The following SCOC variants were observed in gnomAD, a reference collection of about 807,000 sequenced individuals.
The protein encoded by SCOC is short coiled-coil protein.
Under a neutral mutation model 9.9 loss-of-function variants are expected in SCOC, and 7 were observed. The observed-to-expected ratio is 0.71, with a 90% CI of 0.40 to 1.33. SCOC has a LOEUF of 1.33. Among genes scored for constraint, SCOC ranks in the 40% most tolerant of loss-of-function variants. The probability of loss-of-function intolerance (pLI) is 0.01; values close to 1 mark genes in which losing one functional copy is unlikely to be tolerated. For missense variants in SCOC, 66 were observed against 89.7 expected (o/e 0.74, Z 1.07); for synonymous variants, 19 against 28.2 (o/e 0.67, Z 1.03).
chr4:140,334,980 G>A (rs887213069), intron 1 of SCOC, among the ~76,000 whole-genome samples: 4 of 152,106 alleles, frequency 2.6e-5, no homozygotes, highest in Non-Finnish European at 5.9e-5. Context: ...CTTGCAATAT[G>A]CAACAACACG....
intron 1 of SCOC, among the ~76,000 whole-genome samples, chr4:140,308,601 T>C (rs1016866021): frequency 6.6e-6 from 1 of 152,166 alleles, no homozygotes; most frequent in African/African-American, 2.4e-5. Flanking sequence ...TTCTTGGAGG[T>C]TGAGAGCCAC....
intron 1 of SCOC, among the ~76,000 whole-genome samples, chr4:140,275,229 G>A (rs1279652415): frequency 3.7e-4 from 56 of 152,126 alleles, no homozygotes; most frequent in Non-Finnish European, 1.0e-4. Context: ...ACCCTGTTAA[G>A]AGGGCTCTTT....
At chr4:140,294,859 G>A (rs1487883027) in intron 1 of SCOC, among the ~76,000 whole-genome samples, 1 of 152,180 alleles carries the variant, frequency 6.6e-6, no homozygotes, top group Non-Finnish European at 1.5e-5. Context: ...ACTTGTCCAT[G>A]CCCTGGCTCT....
intron 1 of SCOC, chr4:140,373,969 C>G (rs1236845637): frequency 3.0e-6 from 2 of 660,462 alleles, no homozygotes; most frequent in Non-Finnish European, 5.6e-6. Context: ...GGACCTCTCG[C>G]GGTCCCTGAC....
At chr4:140,326,351 C>T (rs965180161) in intron 1 of SCOC, among the ~76,000 whole-genome samples, 1 of 151,666 alleles carries the variant, frequency 6.6e-6, no homozygotes, top group African/African-American at 2.4e-5. Context: ...AAAAAAAAAT[C>T]AACGAGGATG....
chr4:140,281,352 T>C (rs1731091091), intron 1 of SCOC, among the ~76,000 whole-genome samples: 1 of 152,036 alleles, frequency 6.6e-6, no homozygotes, highest in Non-Finnish European at 1.5e-5. Context: ...AGAAGAAGGG[T>C]TCTCCCTTAA....
chr4:140,289,992 A>G (rs140257830), intron 1 of SCOC, among the ~76,000 whole-genome samples: 1 of 152,354 alleles, frequency 6.6e-6, no homozygotes, highest in East Asian at 1.9e-4. Flanking sequence ...GTCCATTGAC[A>G]TGCCTCTACC....
intron 1 of SCOC, among the ~76,000 whole-genome samples, chr4:140,289,816 C>T (rs536834828): frequency 6.6e-6 from 1 of 152,324 alleles, no homozygotes; most frequent in Admixed American, 6.5e-5. Flanking sequence ...CCTGCCAGCT[C>T]AGAGAAAGCT....
At chr4:140,261,503 C>T (rs914325300) in intron 1 of SCOC, among the ~76,000 whole-genome samples, 2 of 152,170 alleles carry the variant, frequency 1.3e-5, no homozygotes, top group African/African-American at 4.8e-5. Flanking sequence ...CATTTGGGTC[C>T]CTTTGATTTC....
chr4:140,374,613 T>C (rs1728252001), intron 1 of SCOC, among the ~76,000 whole-genome samples: 1 of 152,220 alleles, frequency 6.6e-6, no homozygotes, highest in African/African-American at 2.4e-5. Flanking sequence ...AGACATTATA[T>C]TGAAGTTCCG....
intron 1 of SCOC, among the ~76,000 whole-genome samples, chr4:140,296,691 A>G (rs558602456): frequency 7.0e-4 from 107 of 152,272 alleles, no homozygotes; most frequent in African/African-American, 2.5e-3. Context: ...ACATCCCCTG[A>G]AATGTCTATT....
chr4:140,342,415 T>C (rs1016205033), upstream of SCOC, among the ~76,000 whole-genome samples: 2 of 152,294 alleles, frequency 1.3e-5, 1 homozygote, highest in Admixed American at 1.3e-4. Flanking sequence ...AGCAAATAAA[T>C]AAACCTTTTA....
chr4:140,378,322 C>T (rs1366926491), intron 1 of SCOC, among the ~76,000 whole-genome samples: 5 of 151,946 alleles, frequency 3.3e-5, no homozygotes, highest in Admixed American at 6.5e-5. Flanking sequence ...TCCATACCGT[C>T]ATCCTTAATA....
chr4:140,304,606 C>G (rs1183896508), intron 1 of SCOC, among the ~76,000 whole-genome samples: 1 of 152,128 alleles, frequency 6.6e-6, no homozygotes, highest in African/African-American at 2.4e-5. Flanking sequence ...TACTTGCAGG[C>G]AGCCCATATA....
Position 140,379,190 on chromosome 4 carries a change from A to G in SCOC, c.20A>G (p.Asp7Gly). The G allele has an allele frequency of 6.2e-7, 1 of 1,600,164 alleles. No homozygotes were observed. The highest frequency in any genetic ancestry group is 1.1e-5 in the South Asian group (1 of 90,758). Residue 7 changes from aspartate to glycine, a missense_variant and splice_region_variant, in exon 2 of 4, where the codon GAT becomes GGT. Transcript: ENST00000608372. Reference protein sequence around the residue: MMNADMDAVDAENQVEL... With the variant: MMNADMGAVDAENQVEL... ...CCCAAGATGATGAATGCTGACATGG[A>G]TGGTATGTTCTTCATTTTCTTTTTT...
chr4:140,377,806 A>G (rs1350450743), intron 1 of SCOC, among the ~76,000 whole-genome samples: 2 of 152,164 alleles, frequency 1.3e-5, no homozygotes, highest in African/African-American at 4.8e-5. Flanking sequence ...TAGTATGTAG[A>G]TATCCTTATT....
At chr4:140,260,516 C>T (rs1296312575) in intron 1 of SCOC, among the ~76,000 whole-genome samples, 1 of 152,136 alleles carries the variant, frequency 6.6e-6, no homozygotes, top group African/African-American at 2.4e-5. Context: ...ATCATATGCT[C>T]GAAGAACCTG....
At chr4:140,373,564 G>A (rs1473497448), upstream of SCOC, 1 of 1,551,754 alleles carries the variant, frequency 6.4e-7, no homozygotes, top group South Asian at 1.2e-5. Flanking sequence ...CTCGAGTCAG[G>A]ATTGGCGGGC....
At chr4:140,359,131 T>C (rs1315662602) in intron 2 of SCOC, among the ~76,000 whole-genome samples, 1 of 151,746 alleles carries the variant, frequency 6.6e-6, no homozygotes, top group Non-Finnish European at 1.5e-5. Flanking sequence ...GCTCACTATT[T>C]TGTGGCTGAG....
Sources: gnomAD v4.1 joint callset for allele counts (sites outside exome capture counted in the v4.1 genomes callset) on GRCh38, gnomAD v4.1.1 for gene constraint, MANE v1.5 for transcripts, NCBI Gene and HGNC (gene_info 2026-07-23, HGNC 2026-07-21) for gene names.